Variants in NIN observed in about 807,000 individuals in gnomAD.
NIN encodes the protein glycogen synthase kinase 3 beta-interacting protein.
NIN carries 137 observed loss-of-function variants against 257.6 expected under a neutral mutation model. That is an observed-to-expected ratio of 0.53 (90% CI 0.46 to 0.61). NIN has a LOEUF of 0.61. Ranked by LOEUF, NIN falls within the 20% of genes least tolerant of loss-of-function variation. NIN has a pLI of 0.00. For synonymous variants in NIN, 918 were observed against 919.8 expected, an observed-to-expected ratio of 1.00 and a Z score of 0.04; for missense variants, 2,439 against 2,501.2, an observed-to-expected ratio of 0.98 and a Z score of 0.53.
At chr14:50,822,435 C>A (rs2045269075) in intron 2 of NIN, among the ~76,000 whole-genome samples, 1 of 152,234 alleles carries the variant, frequency 6.6e-6, no homozygotes, top group African/African-American at 2.4e-5. Flanking sequence ...TCTCCCAGCT[C>A]TTCTAGCCCA....
Position 50,757,117 on chromosome 14 carries a change from G to A in NIN, c.3913C>T (p.Leu1305Phe). 1.2e-6 allele frequency: 2 copies of A among 1,612,824 alleles called. No homozygotes were observed. The highest frequency in any genetic ancestry group is 1.7e-6 in the Non-Finnish European group (2 of 1,179,606). Residue 1305 changes from leucine (L) to phenylalanine (F), a missense_variant, in exon 18 of 31, where the codon CTC becomes TTC. By Grantham distance (22) the Leu-to-Phe change is conservative. This residue lies in a region of NIN where 2,043 missense variants were observed against 2,050.2 expected (regional missense o/e 1.00). Coordinates refer to ENST00000530997, the MANE Select transcript of NIN (RefSeq NM_020921.4). ...KKMEEVTETF[L>F]SLEKSYDEVK... The stretch of plus-strand genomic sequence containing the variant: ...TCATCGTAACTCTTTTCCAGGCTGA[G>A]GAATGTTTCAGTGACTTCCTCCATT...
chr14:50,803,928 A>G (rs887768303), intron 4 of NIN, among the ~76,000 whole-genome samples: 2 of 139,620 alleles, frequency 1.4e-5, no homozygotes, highest in African/African-American at 5.3e-5. Flanking sequence ...ATGGAGTCTC[A>G]CTCTGTCACC....
rs2043659625 is a variant in NIN, at chr14:50,792,828, G to A, written c.319C>T (p.Arg107Ter). The change falls in exon 5 of 31, where the codon CGA becomes TGA. Residue 107 changes from arginine (R) to a stop codon, truncating the protein, a stop_gained. Coordinates refer to ENST00000530997, the MANE Select transcript of NIN (RefSeq NM_020921.4). LOFTEE classifies it high-confidence loss of function. Reference sequence around the variant, plus strand: ...TCTTGGAACTCGGGCAAGGACCTTCGTCCGTAACGCTTCCCACCTCTAACA... The same window carrying A: ...TCTTGGAACTCGGGCAAGGACCTTCATCCGTAACGCTTCCCACCTCTAACA... ...KYVRGGKRYG[R>*]RSLPEFQESV... is the part of the protein sequence containing the mutation. 7 of 1,614,202 alleles carry A rather than the reference G, an allele frequency of 4.3e-6. No individual in the cohort carries two copies. Among genetic ancestry groups the A allele is most frequent in the Non-Finnish European group, 5.1e-6 (6 of 1,180,046 alleles).
Position 50,723,536 on chromosome 14 carries a change from ATCT to A in NIN, c.6326_6328del (p.Lys2109del), listed in dbSNP as rs2040309345. ...CCTAACTATATTACTGAGGCTGGCA[ATCT>A]TCTCCTCCAGGAGGTAATTTTTCTT... On this transcript the variant is annotated inframe_deletion, in exon 31 of 31. Coordinates refer to ENST00000530997, the MANE Select transcript of NIN (RefSeq NM_020921.4). 6.2e-7 allele frequency: 1 copy of A among 1,613,874 alleles called. No homozygotes were observed. Among genetic ancestry groups the A allele is most frequent in the Non-Finnish European group, 8.5e-7 (1 of 1,179,850 alleles).
intron 2 of NIN, among the ~76,000 whole-genome samples, chr14:50,828,842 A>C (rs556749389): frequency 6.6e-6 from 1 of 152,340 alleles, no homozygotes; most frequent in Non-Finnish European, 1.5e-5. Flanking sequence ...CCCCTCTGTG[A>C]CAGTTAACAT....
intron 3 of NIN, among the ~76,000 whole-genome samples, chr14:50,815,321 A>T (rs2044839285): frequency 6.6e-6 from 1 of 152,268 alleles, no homozygotes. Flanking sequence ...AGAGAAATAC[A>T]AATCAAAACC....
In NIN at chr14:50,770,936, T is replaced by G; in HGVS notation, c.1175A>C (p.Lys392Thr). 3.7e-6 allele frequency: 6 copies of G among 1,614,224 alleles called. No homozygotes were observed. The highest frequency in any genetic ancestry group is 4.2e-6 in the Non-Finnish European group (5 of 1,180,042). ...EKEKLRSDLDKAEKLKSLMAS... is the reference protein window; with the variant it reads ...EKEKLRSDLDTAEKLKSLMAS... ...CATTAAAGACTTGAGCTTCTCGGCCTTGTCCAGATCTGACCGTAGCTTCTC... is the reference window on the plus strand; with the variant it reads ...CATTAAAGACTTGAGCTTCTCGGCCGTGTCCAGATCTGACCGTAGCTTCTC... The change falls in exon 11 of 31, where the codon AAG (lysine) becomes ACG (threonine). Residue 392 changes from lysine to threonine, a missense_variant. By Grantham distance (78) the Lys-to-Thr change is moderately conservative. Around this residue, in one of 3 missense-constraint regions of NIN, gnomAD observed 2,043 missense variants for 2,050.2 expected, o/e 1.00. Coordinates refer to ENST00000530997, the MANE Select transcript of NIN (RefSeq NM_020921.4).
intron 11 of NIN, 128 bp from the exon 12 acceptor site, chr14:50,770,690 C>A: frequency 7.4e-7 from 1 of 1,357,546 alleles, no homozygotes; most frequent in Non-Finnish European, 1.0e-6. Flanking sequence ...GTGTACCCTG[C>A]TTTCCCTTAG....
At chr14:50,729,902 C>T (rs549888535) in intron 28 of NIN, among the ~76,000 whole-genome samples, 179 bp from the exon 29 acceptor site, 240 of 152,324 alleles carry the variant, frequency 1.6e-3, no homozygotes, top group Admixed American at 3.6e-3. Flanking sequence ...AAAGCTATTT[C>T]GCTTAGCAGA....
rs151058680 is a variant in NIN, at chr14:50,729,887, T to C, written c.5878-164A>G. Among the ~76,000 whole-genome samples, 75 of 152,320 alleles carry C rather than the reference T, an allele frequency of 4.9e-4. 2 individuals are homozygous for C. The East Asian group carries it at 9.3e-3, about 19-fold the overall frequency. ...CATATGGGCCCGAGGAATACAGAAA[T>C]GAGAAAAGCTATTTCGCTTAGCAGA... On this transcript the variant is annotated intron_variant, in intron 28 of 30. Coordinates refer to ENST00000530997, the MANE Select transcript of NIN (RefSeq NM_020921.4).
intron 4 of NIN, among the ~76,000 whole-genome samples, chr14:50,799,890 G>T (rs546352046): frequency 6.6e-6 from 1 of 151,998 alleles, no homozygotes; most frequent in African/African-American, 2.4e-5. Flanking sequence ...CAGAAGAATC[G>T]CTTGAACCCG....
rs777532194 is a variant in NIN at position 50,719,766 on chromosome 14, T to A, written c.*3697A>T. 2.7e-5 allele frequency: 5 copies of A among 183,594 alleles called. No homozygotes were observed. The highest frequency in any genetic ancestry group is 1.2e-4 in the Admixed American group (2 of 16,020). 11.4% of individuals were successfully genotyped at this position (183,594 alleles called of 1,614,324 possible). Reference sequence around the variant, plus strand: ...ATGCTACCATTCTAAAGACCAATGATAAATACACTGAAACTTTATTAAAAG... The same window carrying A: ...ATGCTACCATTCTAAAGACCAATGAAAAATACACTGAAACTTTATTAAAAG... On this transcript the variant is annotated 3_prime_UTR_variant, in exon 31 of 31. Transcript: ENST00000530997.
intron 5 of NIN, among the ~76,000 whole-genome samples, chr14:50,781,060 C>T (rs1449354894): frequency 6.6e-6 from 1 of 152,122 alleles, no homozygotes; most frequent in Non-Finnish European, 1.5e-5. Context: ...CTGTCTGTCC[C>T]TCCACATTTA....
chr14:50,808,947 A>G (rs368288599), intron 3 of NIN, among the ~76,000 whole-genome samples: 2 of 152,310 alleles, frequency 1.3e-5, no homozygotes, highest in East Asian at 3.9e-4. Flanking sequence ...ATGGCCAGGC[A>G]CAGTGGCTCA....
At chr14:50,759,308 A>G (rs1407264149) in intron 17 of NIN, among the ~76,000 whole-genome samples, 1 of 152,254 alleles carries the variant, frequency 6.6e-6, no homozygotes, top group African/African-American at 2.4e-5. Context: ...TATAAGGTAG[A>G]ATAAATCTTA....
intron 12 of NIN, among the ~76,000 whole-genome samples, chr14:50,767,781 C>T (rs1229409417): frequency 1.4e-5 from 2 of 147,968 alleles, no homozygotes; most frequent in East Asian, 2.0e-4. Context: ...GGCGCCACTG[C>T]ACTCCAGCCT....
rs2041388424 is a variant in NIN at position 50,743,499 on chromosome 14, T to C, written c.5218A>G (p.Ile1740Val). The change falls in exon 24 of 31, where the codon ATT (isoleucine) becomes GTT (valine). Residue 1740 changes from isoleucine to valine, a missense_variant. Around this residue, in one of 3 missense-constraint regions of NIN, gnomAD observed 2,043 missense variants for 2,050.2 expected, o/e 1.00. Coordinates refer to ENST00000530997, the MANE Select transcript of NIN (RefSeq NM_020921.4). The stretch of plus-strand genomic sequence containing the variant: ...TTCTGTTCCTGCTTCATCGTCGCAA[T>C]TCTATGCTCTAAAAGACTTGATTTT... Reference protein sequence around the residue: ...LAKSSLLEHRIATMKQEQKSW... With the variant: ...LAKSSLLEHRVATMKQEQKSW... 6.2e-7 allele frequency: 1 copy of C among 1,613,662 alleles called. No individual in the cohort carries two copies. The highest frequency in any genetic ancestry group is 1.3e-5 in the African/African-American group (1 of 75,056).
intron 18 of NIN, 146 bp downstream of exon 18, chr14:50,756,346 G>A (rs546125794): frequency 2.8e-4 from 233 of 820,106 alleles, no homozygotes; most frequent in Middle Eastern, 2.4e-3. Context: ...TTGTTAATAC[G>A]GCACAGAAGC....
chr14:50,756,566 C>A lies in NIN; in HGVS notation c.4464G>T (p.Glu1488Asp). Residue 1488 changes from glutamate to aspartate, a missense_variant, in exon 18 of 31, where the codon GAG becomes GAT. This residue lies in a region of NIN where 2,043 missense variants were observed against 2,050.2 expected (regional missense o/e 1.00). Transcript: ENST00000530997. ...QKDVLSHGEK[E>D]EELKAMMHDL... ...CATGCATCATTGCCTTCAGCTCTTC[C>A]TCCTTTTCTCCGTGAGAAAGTACAT... 6.2e-7 allele frequency: 1 copy of A among 1,612,778 alleles called. No homozygotes were observed.
Sources: allele counts gnomAD v4.1 joint callset (sites outside exome capture counted in the v4.1 genomes callset), GRCh38; gene constraint gnomAD v4.1.1; regional missense constraint gnomAD v4.1.1; transcripts MANE v1.5; gene names NCBI Gene and HGNC (gene_info 2026-07-23, HGNC 2026-07-21).